NEK10: variants seen among roughly 807,000 people sequenced by gnomAD.
The protein encoded by NEK10 is NIMA related kinase 10.
In NEK10, 122 loss-of-function variants were observed where a neutral mutation model predicts 159.8. The observed-to-expected ratio is 0.76, with a 90% CI of 0.66 to 0.89. The LOEUF is 0.89. Among genes scored for constraint, NEK10 ranks in the 40% least tolerant of loss-of-function variants. The pLI is 0.00. For synonymous variants in NEK10, 466 were observed against 457.1 expected, an observed-to-expected ratio of 1.02 and a Z score of -0.25; for missense variants, 1,342 against 1,323.1, an observed-to-expected ratio of 1.01 and a Z score of -0.22.
In NEK10 at chr3:27,284,595, T is replaced by C. The variant is rs758426616; in HGVS notation, c.2014+7A>G. On this transcript the variant is annotated splice_region_variant and intron_variant, in intron 22 of 35. Transcript: ENST00000691995. ...TCAGTTAAAAGTTTAAAAATCTTTA[T>C]ACTTACTAACGGTTACTTTGTCCTT... is the stretch of plus-strand genomic sequence containing the variant. 11 of 1,463,694 alleles carry C rather than the reference T, an allele frequency of 7.5e-6. No individual in the cohort carries two copies. The highest frequency in any genetic ancestry group is 4.6e-5 in the South Asian group (4 of 87,910). 90.7% of individuals were successfully genotyped at this position (1,463,694 alleles called of 1,614,324 possible).
At chr3:27,286,536 C>T (rs1393153677) in intron 20 of NEK10, among the ~76,000 whole-genome samples, 4 of 147,330 alleles carry the variant, frequency 2.7e-5, no homozygotes, top group Non-Finnish European at 4.5e-5. Context: ...CGCCTGCCAC[C>T]ACGCCCAGCT....
chr3:27,184,061 C>G (rs1251488885), intron 26 of NEK10, among the ~76,000 whole-genome samples: 1 of 152,084 alleles, frequency 6.6e-6, no homozygotes, highest in Non-Finnish European at 1.5e-5. Flanking sequence ...TACCTATAAC[C>G]CTGAAACTCT....
chr3:27,162,320 A>G, intron 30 of NEK10: 1 of 1,395,598 alleles, frequency 7.2e-7, no homozygotes, highest in Non-Finnish European at 9.6e-7. Context: ...CCAAACTAAT[A>G]ATGGTGAACA....
chr3:27,278,816 CAAG>C, intron 22 of NEK10: 1 of 985,374 alleles, frequency 1.0e-6, no homozygotes, highest in South Asian at 4.7e-5. Flanking sequence ...CAAATTCCCT[CAAG>C]AGTCATTTTG....
intron 1 of NEK10, among the ~76,000 whole-genome samples, chr3:27,354,340 G>T (rs1225032681): frequency 6.6e-6 from 1 of 152,162 alleles, no homozygotes; most frequent in African/African-American, 2.4e-5. Flanking sequence ...TATGTGAACA[G>T]GAAATAATGA....
At chr3:27,191,246 C>G (rs62255252) in intron 26 of NEK10, among the ~76,000 whole-genome samples, 34,541 of 151,832 alleles carry the variant, frequency 0.23, 4,261 homozygotes, top group Middle Eastern at 0.38. Context: ...GACCAGGTAC[C>G]CTAAGAAAGA....
At chr3:27,272,223 T>C (rs573497496) in intron 22 of NEK10, among the ~76,000 whole-genome samples, 66 of 152,324 alleles carry the variant, frequency 4.3e-4, no homozygotes, top group African/African-American at 1.5e-3. Context: ...TCCCAGCCTT[T>C]GTCTGGGGTT....
intron 33 of NEK10, 143 bp from the exon 34 acceptor site, chr3:27,116,270 C>A: frequency 1.4e-6 from 1 of 722,876 alleles, no homozygotes; most frequent in Non-Finnish European, 2.3e-6. Context: ...TCCAAAGCAT[C>A]TGCCTTGGCT....
At chr3:27,216,060 T>C (rs960789800) in intron 23 of NEK10, among the ~76,000 whole-genome samples, 6 of 152,178 alleles carry the variant, frequency 3.9e-5, no homozygotes, top group African/African-American at 1.4e-4. Context: ...ATACCTTGAT[T>C]GTACCAACAC....
At chr3:27,112,728 A>G (rs1230856916) in intron 35 of NEK10, among the ~76,000 whole-genome samples, 2 of 152,224 alleles carry the variant, frequency 1.3e-5, no homozygotes, top group Middle Eastern at 3.2e-3. Flanking sequence ...AAAAAATTGT[A>G]CATTCTGAGT....
At chr3:27,246,831 T>C (rs1955118475) in intron 23 of NEK10, among the ~76,000 whole-genome samples, 1 of 152,200 alleles carries the variant, frequency 6.6e-6, no homozygotes, top group African/African-American at 2.4e-5. Flanking sequence ...TCGGTTAAGT[T>C]AATTCCTAGG....
intron 13 of NEK10, among the ~76,000 whole-genome samples, chr3:27,301,239 G>T (rs2043800362): frequency 6.6e-6 from 1 of 152,198 alleles, no homozygotes; most frequent in African/African-American, 2.4e-5. Flanking sequence ...CCTAGACAGG[G>T]CAGCATCTTT....
chr3:27,281,922 T>C (rs1252170852), intron 22 of NEK10, among the ~76,000 whole-genome samples: 1 of 151,984 alleles, frequency 6.6e-6, no homozygotes. Context: ...TCTGGAAGAT[T>C]TGGAGAAAAG....
chr3:27,288,408 T>C (rs1259968258), intron 19 of NEK10, among the ~76,000 whole-genome samples: 1 of 152,038 alleles, frequency 6.6e-6, no homozygotes, highest in Non-Finnish European at 1.5e-5. Context: ...TATGGAAAAA[T>C]TTCCCACCCT....
intron 23 of NEK10, among the ~76,000 whole-genome samples, chr3:27,221,410 G>A (rs1952087245): frequency 6.6e-6 from 1 of 152,198 alleles, no homozygotes; most frequent in African/African-American, 2.4e-5. Context: ...GAGATACCAT[G>A]TCATACCCAC....
At chr3:27,162,197 T>TA (rs1946074927) in intron 30 of NEK10, 1 of 475,646 alleles carries the variant, frequency 2.1e-6, no homozygotes, top group Non-Finnish European at 3.7e-6. Context: ...GAAGCATCAA[T>TA]AGGTCAACTG....
intron 30 of NEK10, among the ~76,000 whole-genome samples, chr3:27,149,655 T>C (rs1317109528): frequency 1.3e-5 from 2 of 152,102 alleles, no homozygotes; most frequent in Non-Finnish European, 2.9e-5. Context: ...AACCAGCCAT[T>C]CCCCCATCTT....
rs764129152 is a variant in NEK10, at chr3:27,346,250, C to A, written c.133-34G>T. ...ATAGAAGCATAGAGTACATGAGGAT[C>A]ACAATTCAGCACGGGATAAAGAAAG... On this transcript the variant is annotated intron_variant, in intron 3 of 35. Coordinates refer to ENST00000691995, the MANE Select transcript of NEK10 (RefSeq NM_001394966.1). 4 of 1,609,802 alleles carry A rather than the reference C, an allele frequency of 2.5e-6. No individual in the cohort carries two copies. In the Admixed American group the frequency reaches 6.7e-5, roughly 27 times the overall value.
intron 30 of NEK10, among the ~76,000 whole-genome samples, chr3:27,160,210 C>T (rs965262674): frequency 1.3e-5 from 2 of 152,140 alleles, no homozygotes; most frequent in Non-Finnish European, 2.9e-5. Flanking sequence ...GGACCAACAA[C>T]GTCTCATGAC....
Sources: gnomAD v4.1 joint callset for allele counts (sites outside exome capture counted in the v4.1 genomes callset) on GRCh38, gnomAD v4.1.1 for gene constraint, MANE v1.5 for transcripts, NCBI Gene and HGNC (gene_info 2026-07-23, HGNC 2026-07-21) for gene names.